CAMSAP2: variants seen among roughly 807,000 people sequenced by gnomAD.
CAMSAP2 encodes calmodulin regulated spectrin associated protein family member 2, also known as calmodulin-regulated spectrin-associated protein 2.
Under a neutral mutation model 146.1 loss-of-function variants are expected in CAMSAP2, and 26 were observed. That is an observed-to-expected ratio of 0.18 (90% CI 0.13 to 0.25). The LOEUF is 0.25. CAMSAP2 is among the 10% of genes least tolerant of loss of function. CAMSAP2 has a pLI of 1.00. For missense variants in CAMSAP2, 1,381 were observed against 1,759.3 expected (o/e 0.78, Z 3.85); for synonymous variants, 499 against 596.6 (o/e 0.84, Z 2.38).
chr1:200,857,462 GTAGAAGTCTTTT>G lies in CAMSAP2; in HGVS notation c.4131+39_4131+50del. The G allele has an allele frequency of 7.2e-7, 1 of 1,387,230 alleles. No individual in the cohort carries two copies. Among genetic ancestry groups the G allele is most frequent in the Non-Finnish European group, 1.0e-6 (1 of 974,474 alleles). The allele number at this position is 1,387,230 out of a possible 1,614,324, so 85.9% of individuals were successfully genotyped here. On this transcript the variant is annotated intron_variant, in intron 16 of 16. Coordinates refer to ENST00000358823, the MANE Select transcript of CAMSAP2 (RefSeq NM_203459.4). The surrounding 1 kb of genome is among the most constrained non-coding windows in gnomAD (Gnocchi z 4.7). ...GCATGAAAATTAAATTTGGCAAACT[GTAGAAGTCTTTT>G]ATCCATTCAAGAGAATGTACTCTCA...
At chr1:200,804,628 A>G (rs987598419) in intron 2 of CAMSAP2, among the ~76,000 whole-genome samples, 1 of 152,188 alleles carries the variant, frequency 6.6e-6, no homozygotes, top group Non-Finnish European at 1.5e-5. Context: ...ATTGTCTAGG[A>G]ACAAAAGTGA....
chr1:200,833,337 G>T (rs192270928), intron 6 of CAMSAP2, among the ~76,000 whole-genome samples: 1 of 152,294 alleles, frequency 6.6e-6, no homozygotes, highest in African/African-American at 2.4e-5. Flanking sequence ...GAGGTGGGCA[G>T]ATAGCTTGAG....
chr1:200,822,117 C>CCTCTCT, intron 4 of CAMSAP2, among the ~76,000 whole-genome samples: 1 of 134,588 alleles, frequency 7.4e-6, no homozygotes, highest in African/African-American at 2.8e-5. Flanking sequence ...ATTCTGTCTC[C>CCTCTCT]CTCTCTCTCT....
intron 4 of CAMSAP2, among the ~76,000 whole-genome samples, chr1:200,831,060 A>C (rs892320887): frequency 6.6e-6 from 1 of 152,172 alleles, no homozygotes; most frequent in African/African-American, 2.4e-5. Context: ...TCTTATAATT[A>C]TATTTTAATT....
In CAMSAP2 at chr1:200,815,440, A is replaced by T. The variant is rs539513509; in HGVS notation, c.562-121A>T. On this transcript the variant is annotated intron_variant, in intron 3 of 16. Transcript: ENST00000358823. ...CTGAAATTTTCTTTATTTGAGTGAG[A>T]CTGATATTTGACATCAGGGCTCTGA... The T allele has an allele frequency of 6.5e-6, 3 of 463,696 alleles. No individual in the cohort carries two copies. The Admixed American group carries it at 1.3e-4, about 20-fold the overall frequency. The allele number at this position is 463,696 out of a possible 1,614,324, so 28.7% of individuals were successfully genotyped here. A position where few individuals can be genotyped will look rare whatever the true frequency, so the allele number is the denominator to read the frequency against.
intron 4 of CAMSAP2, among the ~76,000 whole-genome samples, chr1:200,819,555 C>T (rs1666693513): frequency 1.3e-5 from 2 of 152,040 alleles, no homozygotes; most frequent in African/African-American, 4.8e-5. Flanking sequence ...CACATAAAGT[C>T]AGGCTAGTTC....
At chr1:200,812,911 C>G (rs1163480327) in intron 3 of CAMSAP2, among the ~76,000 whole-genome samples, 3 of 152,274 alleles carry the variant, frequency 2.0e-5, no homozygotes, top group Non-Finnish European at 2.9e-5. Context: ...TACCACAGGG[C>G]TTTTGCTTAT....
At chr1:200,756,069 T>G (rs1402193524) in intron 1 of CAMSAP2, among the ~76,000 whole-genome samples, 1 of 152,006 alleles carries the variant, frequency 6.6e-6, no homozygotes, top group African/African-American at 2.4e-5. Flanking sequence ...TGGAGGAAGT[T>G]GAGGTCAGAG....
At chr1:200,775,999 GAA>G (rs1665268597) in intron 2 of CAMSAP2, among the ~76,000 whole-genome samples, 2 of 150,134 alleles carry the variant, frequency 1.3e-5, no homozygotes, top group South Asian at 4.2e-4. Flanking sequence ...AAAAAAAAAA[GAA>G]AAGAAAAATC....
chr1:200,846,051 G>T (rs6663728), intron 8 of CAMSAP2, among the ~76,000 whole-genome samples: 19,658 of 151,972 alleles, frequency 0.13, 1,306 homozygotes, highest in East Asian at 0.17. Context: ...GATTTTTTAC[G>T]TTAAAACTAA....
intron 11 of CAMSAP2, 89 bp downstream of exon 11, chr1:200,850,323 T>C: frequency 8.8e-7 from 1 of 1,130,100 alleles, no homozygotes; most frequent in Non-Finnish European, 1.2e-6. Flanking sequence ...ACATGCTTGC[T>C]TCTTTCAGTA....
chr1:200,855,862 T>G, intron 14 of CAMSAP2, 148 bp from the exon 15 acceptor site: 2 of 564,380 alleles, frequency 3.5e-6, no homozygotes, highest in South Asian at 5.0e-5. Flanking sequence ...CCCAAAGTGC[T>G]GGGATTACAG....
chr1:200,832,824 C>T lies in CAMSAP2; in HGVS notation c.906C>T (p.Leu302=). 2 of 1,599,492 alleles carry T rather than the reference C, an allele frequency of 1.3e-6. No individual in the cohort carries two copies. The highest frequency in any genetic ancestry group is 1.7e-6 in the Non-Finnish European group (2 of 1,174,750). Reference sequence around the variant, plus strand: ...GCCATTTCACTCTGGAAGATATGCTCTATGCTGCTTCATCCATAAAGGTAA... The same window carrying T: ...GCCATTTCACTCTGGAAGATATGCTTTATGCTGCTTCATCCATAAAGGTAA... ...QCCHFTLEDM[L]YAASSIKSNY... is the part of the protein sequence containing the mutation. The change falls in exon 6 of 17, where the codon CTC becomes CTT. Residue 302 remains leucine, a synonymous_variant. Coordinates refer to ENST00000358823, the MANE Select transcript of CAMSAP2 (RefSeq NM_203459.4). This position sits in a 1 kb window ranked among gnomAD's most constrained non-coding sequence, Gnocchi z 4.2.
intron 1 of CAMSAP2, among the ~76,000 whole-genome samples, chr1:200,755,789 T>C (rs777812181): frequency 3.3e-5 from 5 of 152,068 alleles, no homozygotes; most frequent in Non-Finnish European, 7.4e-5. Flanking sequence ...TACCTTATAG[T>C]GAGAGGAGGT....
intron 4 of CAMSAP2, among the ~76,000 whole-genome samples, chr1:200,822,082 T>C (rs1030470045): frequency 6.6e-6 from 1 of 152,006 alleles, no homozygotes; most frequent in Admixed American, 6.6e-5. Flanking sequence ...TTCATCAGTT[T>C]TTCAAACTGA....
At chr1:200,740,819 G>T (rs1664148412) in intron 1 of CAMSAP2, among the ~76,000 whole-genome samples, 1 of 152,162 alleles carries the variant, frequency 6.6e-6, no homozygotes, top group African/African-American at 2.4e-5. Context: ...TGCTTTAGGA[G>T]CCCATGTTGT....
intron 4 of CAMSAP2, among the ~76,000 whole-genome samples, chr1:200,827,920 G>T (rs1001791504): frequency 6.6e-6 from 1 of 152,062 alleles, no homozygotes; most frequent in South Asian, 2.1e-4. Flanking sequence ...TAGATTCTTT[G>T]GGACAGCCCT....
chr1:200,835,735 G>T (rs936889308), intron 6 of CAMSAP2, among the ~76,000 whole-genome samples: 1 of 151,818 alleles, frequency 6.6e-6, no homozygotes, highest in African/African-American at 2.4e-5. Context: ...GGTATTTTCA[G>T]GTAATAACAG....
At chr1:200,799,500 G>T (rs1362094549) in intron 2 of CAMSAP2, among the ~76,000 whole-genome samples, 1 of 152,132 alleles carries the variant, frequency 6.6e-6, no homozygotes, top group Non-Finnish European at 1.5e-5. Context: ...TTGTATTTCT[G>T]TGGTATCAGT....
Sources: allele counts gnomAD v4.1 joint callset (sites outside exome capture counted in the v4.1 genomes callset), GRCh38; gene constraint gnomAD v4.1.1; non-coding constraint Gnocchi (gnomAD v3.1); transcripts MANE v1.5; gene names NCBI Gene and HGNC (gene_info 2026-07-23, HGNC 2026-07-21).